PCDHGC3: variants seen among roughly 807,000 people sequenced by gnomAD.
PCDHGC3 encodes protocadherin gamma-C3.
In PCDHGC3, 26 loss-of-function variants were observed where a neutral mutation model predicts 59.2. The observed-to-expected ratio is 0.44, with a 90% CI of 0.32 to 0.61. The LOEUF is 0.61. Ranked by LOEUF, PCDHGC3 falls within the 20% of genes least tolerant of loss-of-function variation. The pLI, the probability that PCDHGC3 is intolerant of heterozygous loss-of-function variation, is 0.05. For missense variants in PCDHGC3, 1,080 were observed against 1,221.8 expected (o/e 0.88, Z 1.73); for synonymous variants, 487 against 519.7 (o/e 0.94, Z 0.86).
chr5:141,498,146 G>A (rs924380243), intron 2 of PCDHGC3, among the ~76,000 whole-genome samples: 1 of 152,200 alleles, frequency 6.6e-6, no homozygotes, highest in Non-Finnish European at 1.5e-5. Context: ...GGACATCCTG[G>A]AAATGAAGTT....
In PCDHGC3 at chr5:141,487,218, C is replaced by T; in HGVS notation, c.2431-7589C>T. The T allele has an allele frequency of 6.2e-7, 1 of 1,613,938 alleles. No individual in the cohort carries two copies. The highest frequency in any genetic ancestry group is 1.3e-5 in the African/African-American group (1 of 75,024). On this transcript the variant is annotated intron_variant, in intron 1 of 3. Coordinates refer to ENST00000308177, the MANE Select transcript of PCDHGC3 (RefSeq NM_002588.4). The surrounding 1 kb of genome is among the most constrained non-coding windows in gnomAD (Gnocchi z 5.0). ...CCAGATCTTCGAGAATCTTCAGCTCCAAGGGAAGGAGAATCTCGTCTAACC... is the reference window on the plus strand; with the variant it reads ...CCAGATCTTCGAGAATCTTCAGCTCTAAGGGAAGGAGAATCTCGTCTAACC...
rs781229038 is a variant in PCDHGC3, at chr5:141,489,990, A to C, written c.2431-4817A>C. 1.2e-4 allele frequency: 194 copies of C among 1,614,138 alleles called. No individual in the cohort carries two copies. Among genetic ancestry groups the C allele is most frequent in the Non-Finnish European group, 1.6e-4 (188 of 1,180,038 alleles). Reference sequence around the variant, plus strand: ...TCCAATCCTCAGTTCTACGTGTGGGAATCCCAGAGAATGCACCCATTGGTA... The same window carrying C: ...TCCAATCCTCAGTTCTACGTGTGGGCATCCCAGAGAATGCACCCATTGGTA... On this transcript the variant is annotated intron_variant, in intron 1 of 3. Transcript: ENST00000308177. The surrounding 1 kb of genome is among the most constrained non-coding windows in gnomAD (Gnocchi z 4.5).
chr5:141,485,714 G>A lies in PCDHGC3; in HGVS notation c.2430+7168G>A. 6.2e-7 allele frequency: 1 copy of A among 1,614,182 alleles called. No individual in the cohort carries two copies. The highest frequency in any genetic ancestry group is 8.5e-7 in the Non-Finnish European group (1 of 1,180,042). On this transcript the variant is annotated intron_variant, in intron 1 of 3. Transcript: ENST00000308177. This position sits in a 1 kb window ranked among gnomAD's most constrained non-coding sequence, Gnocchi z 5.7. ...GAGCTCCAATGAACACTTTGCACTG[G>A]ATGTGAAGAAGCGCAGCGACGGCAG...
At position 141,491,640 on chromosome 5, in the gene PCDHGC3, T is replaced by A; in HGVS notation, c.2431-3167T>A. 6.2e-7 allele frequency: 1 copy of A among 1,613,804 alleles called. No homozygotes were observed. Among genetic ancestry groups the A allele is most frequent in the South Asian group, 1.1e-5 (1 of 91,086 alleles). On this transcript the variant is annotated intron_variant, in intron 1 of 3. Coordinates refer to ENST00000308177, the MANE Select transcript of PCDHGC3 (RefSeq NM_002588.4). This position sits in a 1 kb window ranked among gnomAD's most constrained non-coding sequence, Gnocchi z 6.9. ...CCCTCAGCGTTCAGCAGCCCACAGC[T>A]CTGGCGCTGGAGCCTGACGCCATCC...
chr5:141,485,938 A>G lies in PCDHGC3; in HGVS notation c.2430+7392A>G. The stretch of plus-strand genomic sequence containing the variant: ...ACAGGATTAGTGTGTTGGAGAGCGC[A>G]CCAGCGGGCATGGTGCTCATCCAGC... On this transcript the variant is annotated intron_variant, in intron 1 of 3. Transcript: ENST00000308177. The surrounding 1 kb of genome is among the most constrained non-coding windows in gnomAD (Gnocchi z 5.7). 6.2e-7 allele frequency: 1 copy of G among 1,614,162 alleles called. No individual in the cohort carries two copies. The highest frequency in any genetic ancestry group is 1.3e-5 in the African/African-American group (1 of 75,028).
rs1254680765 is a variant in PCDHGC3 at position 141,491,399 on chromosome 5, A to G, written c.2431-3408A>G. ...CTGTCAGCGAAGTGCCTTCAGGGAA[A>G]CGCAGACGGGGACGGGGGTGGAGGG... On this transcript the variant is annotated intron_variant, in intron 1 of 3. Transcript: ENST00000308177. This position sits in a 1 kb window ranked among gnomAD's most constrained non-coding sequence, Gnocchi z 6.9. 3 of 1,613,998 alleles carry G rather than the reference A, an allele frequency of 1.9e-6. No homozygotes were observed. Among genetic ancestry groups the G allele is most frequent in the Non-Finnish European group, 2.5e-6 (3 of 1,180,028 alleles).
In PCDHGC3 at chr5:141,486,697, C is replaced by T. The variant is rs146956400; in HGVS notation, c.2431-8110C>T. 89 of 1,614,058 alleles carry T rather than the reference C, an allele frequency of 5.5e-5. No homozygotes were observed. Among genetic ancestry groups the T allele is most frequent in the Non-Finnish European group, 7.4e-5 (87 of 1,180,040 alleles). ...GAGATGTATCAGCTTCCTCTTTCAT[C>T]TCTCTGAACCCCCAGACAGGAGCTG... On this transcript the variant is annotated intron_variant, in intron 1 of 3. Coordinates refer to ENST00000308177, the MANE Select transcript of PCDHGC3 (RefSeq NM_002588.4). The surrounding 1 kb of genome is among the most constrained non-coding windows in gnomAD (Gnocchi z 5.0).
At position 141,491,052 on chromosome 5, in the gene PCDHGC3, G is replaced by A. The variant is rs2099707642; in HGVS notation, c.2431-3755G>A. ...ATGCTGATGCAGGCCACAATGCGTG[G>A]CTCTCCTACTCACTGTTGCCACAGT... On this transcript the variant is annotated intron_variant, in intron 1 of 3. Transcript: ENST00000308177. The surrounding 1 kb of genome is among the most constrained non-coding windows in gnomAD (Gnocchi z 6.9). 3.1e-6 allele frequency: 5 copies of A among 1,614,038 alleles called. No individual in the cohort carries two copies. The highest frequency in any genetic ancestry group is 4.2e-6 in the Non-Finnish European group (5 of 1,180,032).
Position 141,485,156 on chromosome 5 carries a change from A to G in PCDHGC3, c.2430+6610A>G. The G allele has an allele frequency of 6.3e-7, 1 of 1,599,118 alleles. No homozygotes were observed. The highest frequency in any genetic ancestry group is 8.6e-7 in the Non-Finnish European group (1 of 1,168,318). On this transcript the variant is annotated intron_variant, in intron 1 of 3. Transcript: ENST00000308177. The surrounding 1 kb of genome is among the most constrained non-coding windows in gnomAD (Gnocchi z 5.7). ...ATCCGCGTCTCAGGAGCAAGTAGAG[A>G]ATTAGCGGGCGGCAGCAATGCTCCG... is the stretch of plus-strand genomic sequence containing the variant.
At chr5:141,510,040 G>A (rs2099879305) in intron 3 of PCDHGC3, among the ~76,000 whole-genome samples, 1 of 152,220 alleles carries the variant, frequency 6.6e-6, no homozygotes, top group Non-Finnish European at 1.5e-5. Flanking sequence ...GTTATGTAGA[G>A]GTTAAAAGTG....
In PCDHGC3 at chr5:141,478,044, C is replaced by G; in HGVS notation, c.1928C>G (p.Thr643Ser). The change falls in exon 1 of 4, where the codon ACT becomes AGT. Residue 643 changes from threonine to serine, a missense_variant. Physicochemically the swap from Thr to Ser is moderately conservative, Grantham distance 58. Coordinates refer to ENST00000308177, the MANE Select transcript of PCDHGC3 (RefSeq NM_002588.4). ...CAAGACACAGATTCACCCAGGCAGA[C>G]TCTCACGGTCTTGATCAAAGACAAT... Reference protein sequence around the residue: ...PVQDTDSPRQTLTVLIKDNGE... With the variant: ...PVQDTDSPRQSLTVLIKDNGE... 1 of 1,614,184 alleles carries G rather than the reference C, an allele frequency of 6.2e-7. No homozygotes were observed.
rs568314069 is a variant in PCDHGC3 at position 141,486,371 on chromosome 5, G to C, written c.2430+7825G>C. 53 of 1,614,138 alleles carry C rather than the reference G, an allele frequency of 3.3e-5. 2 individuals are homozygous for C. The South Asian group carries it at 5.3e-4, about 16-fold the overall frequency. Reference sequence around the variant, plus strand: ...CCACTTGCCATTTGCCCTCAAGTCTGCCTTCAGGAACCAGTTCTCCCTGGT... The same window carrying C: ...CCACTTGCCATTTGCCCTCAAGTCTCCCTTCAGGAACCAGTTCTCCCTGGT... On this transcript the variant is annotated intron_variant, in intron 1 of 3. Transcript: ENST00000308177. The surrounding 1 kb of genome is among the most constrained non-coding windows in gnomAD (Gnocchi z 5.0).
In PCDHGC3 at chr5:141,476,622, T is replaced by C. The variant is rs1480639256; in HGVS notation, c.506T>C (p.Leu169Ser). The C allele has an allele frequency of 6.2e-7, 1 of 1,614,238 alleles. No individual in the cohort carries two copies. The highest frequency in any genetic ancestry group is 2.2e-5 in the East Asian group (1 of 44,878). The change falls in exon 1 of 4, where the codon TTA becomes TCA. Residue 169 changes from leucine to serine, a missense_variant. By Grantham distance (145) the Leu-to-Ser change is moderately radical (BLOSUM62 -2). Transcript: ENST00000308177. This position sits in a 1 kb window ranked among gnomAD's most constrained non-coding sequence, Gnocchi z 7.6. ...GATCCCGATGTGGGAAGCAACTCTT[T>C]ACAAACCTATGAGCTGAGCCGAAAT... The part of the protein sequence containing the change: ...AHDPDVGSNS[L>S]QTYELSRNEY...
chr5:141,486,400 T>G lies in PCDHGC3; in HGVS notation c.2430+7854T>G. On this transcript the variant is annotated intron_variant, in intron 1 of 3. Transcript: ENST00000308177. This position sits in a 1 kb window ranked among gnomAD's most constrained non-coding sequence, Gnocchi z 5.0. Reference sequence around the variant, plus strand: ...TCAGGAACCAGTTCTCCCTGGTGACTGCTGGACCCTTGGATCGAGAGGCCA... The same window carrying G: ...TCAGGAACCAGTTCTCCCTGGTGACGGCTGGACCCTTGGATCGAGAGGCCA... 5.0e-6 allele frequency: 8 copies of G among 1,614,194 alleles called. No homozygotes were observed. The highest frequency in any genetic ancestry group is 6.8e-6 in the Non-Finnish European group (8 of 1,180,028).
rs143362044 is a variant in PCDHGC3, at chr5:141,511,092, C to T, written c.2724C>T (p.Asn908=). The T allele has an allele frequency of 4.5e-5, 73 of 1,614,088 alleles. No homozygotes were observed. Among genetic ancestry groups the T allele is most frequent in the Admixed American group, 1.5e-4 (9 of 60,012 alleles). ...YIPGSNATLT[N]AAGKRDGKAP... is the part of the protein sequence containing the mutation. ...CAGGCAGCAATGCCACACTGACCAA[C>T]GCAGCTGGCAAGCGGGATGGCAAGG... The change falls in exon 4 of 4, where the codon AAC becomes AAT. Residue 908 remains asparagine, a synonymous_variant. Coordinates refer to ENST00000308177, the MANE Select transcript of PCDHGC3 (RefSeq NM_002588.4).
chr5:141,481,181 G>C (rs1364223040), intron 1 of PCDHGC3, among the ~76,000 whole-genome samples: 1 of 152,154 alleles, frequency 6.6e-6, no homozygotes, highest in Non-Finnish European at 1.5e-5. Context: ...CAGCTTTATT[G>C]GGCCAGGCCC....
intron 3 of PCDHGC3, among the ~76,000 whole-genome samples, chr5:141,508,772 C>T (rs1015277795): frequency 5.3e-5 from 8 of 152,070 alleles, no homozygotes; most frequent in African/African-American, 1.2e-4. Flanking sequence ...TGAGGTCCCC[C>T]CTCTAGCCCC....
rs774071540 is a variant in PCDHGC3, at chr5:141,511,042, G to A, written c.2674G>A (p.Asp892Asn). 8 of 1,614,064 alleles carry A rather than the reference G, an allele frequency of 5.0e-6. No homozygotes were observed. Among genetic ancestry groups the A allele is most frequent in the Non-Finnish European group, 6.8e-6 (8 of 1,180,016 alleles). Residue 892 changes from aspartate to asparagine, a missense_variant, in exon 4 of 4, where the codon GAC becomes AAC. Physicochemically the swap from Asp to Asn is conservative, Grantham distance 23. Coordinates refer to ENST00000308177, the MANE Select transcript of PCDHGC3 (RefSeq NM_002588.4). Reference sequence around the variant, plus strand: ...CCAGTTCACCCTGCAGCACGTGCCCGACTACCGCCAGAATGTCTACATCCC... The same window carrying A: ...CCAGTTCACCCTGCAGCACGTGCCCAACTACCGCCAGAATGTCTACATCCC... ...GPQFTLQHVPDYRQNVYIPGS... is the reference protein window; with the variant it reads ...GPQFTLQHVPNYRQNVYIPGS...
chr5:141,481,260 A>C (rs2099534771), intron 1 of PCDHGC3, among the ~76,000 whole-genome samples: 1 of 152,166 alleles, frequency 6.6e-6, no homozygotes, highest in Non-Finnish European at 1.5e-5. Context: ...CTAAAAGATC[A>C]CTGTAGGAAG....
Sources: allele counts gnomAD v4.1 joint callset (sites outside exome capture counted in the v4.1 genomes callset), GRCh38; gene constraint gnomAD v4.1.1; non-coding constraint Gnocchi (gnomAD v3.1); transcripts MANE v1.5; gene names NCBI Gene and HGNC (gene_info 2026-07-23, HGNC 2026-07-21).